ZFPM2: variants seen among roughly 807,000 people sequenced by gnomAD.
ZFPM2 encodes zinc finger protein, FOG family member 2, also known as zinc finger protein ZFPM2.
Under a neutral mutation model 98.6 loss-of-function variants are expected in ZFPM2, and 20 were observed. That is an observed-to-expected ratio of 0.20 (90% CI 0.14 to 0.29). ZFPM2 has a LOEUF of 0.29. Ranked by LOEUF, ZFPM2 falls within the 10% of genes least tolerant of loss-of-function variation. The pLI is 1.00. For missense variants in ZFPM2, 1,310 were observed against 1,388.6 expected (o/e 0.94, Z 0.90); for synonymous variants, 518 against 502.7 (o/e 1.03, Z -0.41).
Position 105,789,444 on chromosome 8 carries a change from A to G in ZFPM2, c.739+520A>G, listed in dbSNP as rs377127939. 8.9e-3 allele frequency among the ~76,000 whole-genome samples: 1,348 copies of G among 152,296 alleles called. 17 individuals are homozygous for G. Among genetic ancestry groups the G allele is most frequent in the African/African-American group, 0.024 (983 of 41,538 alleles). On this transcript the variant is annotated intron_variant, in intron 6 of 7. Coordinates refer to ENST00000407775, the MANE Select transcript of ZFPM2 (RefSeq NM_012082.4). ...CTTTTTTATGGCTACATAGTATTCC[A>G]TGGTGTATATGTGCCACATTTTCTT...
intron 3 of ZFPM2, among the ~76,000 whole-genome samples, chr8:105,522,142 TAAATA>T (rs1302766274): frequency 1.3e-5 from 2 of 152,172 alleles, no homozygotes; most frequent in African/African-American, 4.8e-5. Flanking sequence ...TATTTGGAAA[TAAATA>T]AAATGAGATG....
At chr8:105,585,620 T>C (rs1815694853) in intron 4 of ZFPM2, among the ~76,000 whole-genome samples, 1 of 152,178 alleles carries the variant, frequency 6.6e-6, no homozygotes, top group South Asian at 2.1e-4. Flanking sequence ...CTGGAGATTA[T>C]ATTCTAGTGA....
chr8:105,606,497 A>G (rs531793912), intron 4 of ZFPM2, among the ~76,000 whole-genome samples: 8 of 152,128 alleles, frequency 5.3e-5, no homozygotes, highest in South Asian at 2.1e-4. Context: ...CTGTGCTCCA[A>G]TTGGCTGGTC....
intron 4 of ZFPM2, among the ~76,000 whole-genome samples, chr8:105,612,746 C>G (rs1351635562): frequency 6.6e-6 from 1 of 152,186 alleles, no homozygotes; most frequent in Non-Finnish European, 1.5e-5. Flanking sequence ...CTTGCTCTCT[C>G]TTTCTACAGG....
At chr8:105,467,599 A>C (rs1812817521) in intron 3 of ZFPM2, among the ~76,000 whole-genome samples, 2 of 152,112 alleles carry the variant, frequency 1.3e-5, no homozygotes, top group South Asian at 2.1e-4. Context: ...TTTACTATGA[A>C]ATGCTGTTTA....
chr8:105,641,491 T>C (rs1270643509), intron 5 of ZFPM2, among the ~76,000 whole-genome samples: 2 of 152,078 alleles, frequency 1.3e-5, no homozygotes, highest in African/African-American at 4.8e-5. Flanking sequence ...TTGATTCAAA[T>C]TGTCATTTCT....
rs573423686 is a variant in ZFPM2 at position 105,792,440 on chromosome 8, C to G, written c.739+3516C>G. On this transcript the variant is annotated intron_variant, in intron 6 of 7. Transcript: ENST00000407775. Reference sequence around the variant, plus strand: ...AATCCTGAGTTCTAGTTTGATTGCACTGTGGTCAGAGATATAGTTTGTTAT... The same window carrying G: ...AATCCTGAGTTCTAGTTTGATTGCAGTGTGGTCAGAGATATAGTTTGTTAT... 2.6e-3 allele frequency among the ~76,000 whole-genome samples: 392 copies of G among 152,300 alleles called. 2 individuals carry two copies. Among genetic ancestry groups the G allele is most frequent in the African/African-American group, 8.5e-3 (354 of 41,556 alleles).
At chr8:105,790,114 C>G (rs1238153385) in intron 6 of ZFPM2, among the ~76,000 whole-genome samples, 1 of 151,530 alleles carries the variant, frequency 6.6e-6, no homozygotes, top group African/African-American at 2.4e-5. Context: ...TCAATTTTGG[C>G]TTTTGTAGCC....
chr8:105,668,233 A>C (rs1817524935), intron 5 of ZFPM2, among the ~76,000 whole-genome samples: 1 of 152,144 alleles, frequency 6.6e-6, no homozygotes, highest in Non-Finnish European at 1.5e-5. Context: ...ATCTTTACAA[A>C]CCTTTACATG....
chr8:105,638,817 G>T (rs1816896986), intron 5 of ZFPM2, among the ~76,000 whole-genome samples: 1 of 152,012 alleles, frequency 6.6e-6, no homozygotes, highest in African/African-American at 2.4e-5. Flanking sequence ...AAATAAAATT[G>T]TATTATATCA....
intron 5 of ZFPM2, among the ~76,000 whole-genome samples, chr8:105,693,556 C>G (rs1365466717): frequency 6.6e-6 from 1 of 152,128 alleles, no homozygotes; most frequent in Non-Finnish European, 1.5e-5. Context: ...ACAGAAGATG[C>G]ACATATCCAG....
intron 5 of ZFPM2, among the ~76,000 whole-genome samples, chr8:105,723,304 A>G (rs1563537225): frequency 6.6e-6 from 1 of 151,842 alleles, no homozygotes; most frequent in Admixed American, 6.6e-5. Context: ...AACTTTTTCT[A>G]TAACAATGAC....
chr8:105,790,049 GA>G (rs1187971786), intron 6 of ZFPM2, among the ~76,000 whole-genome samples: 1 of 151,526 alleles, frequency 6.6e-6, no homozygotes, highest in Non-Finnish European at 1.5e-5. Flanking sequence ...TGTTCACTCT[GA>G]TGGTAGTTTC....
chr8:105,436,004 TAGAA>T (rs1417071981), intron 2 of ZFPM2, among the ~76,000 whole-genome samples: 3 of 152,282 alleles, frequency 2.0e-5, no homozygotes, highest in South Asian at 2.1e-4. Context: ...ATTTATTAAA[TAGAA>T]AGAATGTGCT....
intron 5 of ZFPM2, among the ~76,000 whole-genome samples, chr8:105,723,710 A>G (rs1811729444): frequency 6.6e-6 from 1 of 151,786 alleles, no homozygotes; most frequent in African/African-American, 2.4e-5. Flanking sequence ...GCAGCTTTAT[A>G]GATAAGGGCA....
intron 4 of ZFPM2, among the ~76,000 whole-genome samples, chr8:105,629,966 C>T (rs1487093619): frequency 6.6e-6 from 1 of 152,128 alleles, no homozygotes; most frequent in East Asian, 1.9e-4. Context: ...AAGTTAATCA[C>T]CTCTCTGAAA....
intron 1 of ZFPM2, among the ~76,000 whole-genome samples, chr8:105,351,256 C>T (rs1309971659): frequency 1.3e-5 from 2 of 151,530 alleles, no homozygotes; most frequent in East Asian, 3.9e-4. Context: ...TAAATCATTT[C>T]TGTATTACTT....
chr8:105,460,214 A>G (rs1240945389), intron 3 of ZFPM2, among the ~76,000 whole-genome samples: 2 of 152,200 alleles, frequency 1.3e-5, no homozygotes, highest in African/African-American at 4.8e-5. Flanking sequence ...TAGTGACACC[A>G]AAACATAGCA....
chr8:105,545,633 C>T (rs1278809417), intron 3 of ZFPM2, among the ~76,000 whole-genome samples: 1 of 151,924 alleles, frequency 6.6e-6, no homozygotes, highest in East Asian at 1.9e-4. Flanking sequence ...CTTAATTGCT[C>T]CTCCTAAGTT....
Sources: gnomAD v4.1 joint callset for allele counts (sites outside exome capture counted in the v4.1 genomes callset) on GRCh38, gnomAD v4.1.1 for gene constraint, MANE v1.5 for transcripts, NCBI Gene and HGNC (gene_info 2026-07-23, HGNC 2026-07-21) for gene names.